The following GRIA2 variants were observed in gnomAD, a reference collection of about 807,000 sequenced individuals.
GRIA2 encodes glutamate receptor 2.
A neutral mutation model predicts 97.3 loss-of-function variants in GRIA2; 14 were observed. The ratio of observed to expected loss-of-function variants is 0.14; its 90% CI spans 0.10 to 0.23. The LOEUF (loss-of-function observed/expected upper bound fraction) is 0.23, where lower values mean the gene tolerates loss of function less well. Among genes scored for constraint, GRIA2 ranks in the 10% least tolerant of loss-of-function variants. The pLI is 1.00. For missense variants in GRIA2, 558 were observed against 1,069.8 expected, an observed-to-expected ratio of 0.52 and a Z score of 6.67; for synonymous variants, 412 against 387.8, an observed-to-expected ratio of 1.06 and a Z score of -0.73.
At chr4:157,256,181 A>G (rs1249136845) in intron 2 of GRIA2, among the ~76,000 whole-genome samples, 1 of 137,446 alleles carries the variant, frequency 7.3e-6, no homozygotes, top group Non-Finnish European at 1.5e-5. Context: ...TATATTATAT[A>G]TAATATATAA....
At chr4:157,269,611 G>A (rs922541440) in intron 2 of GRIA2, among the ~76,000 whole-genome samples, 1 of 151,994 alleles carries the variant, frequency 6.6e-6, no homozygotes, top group Non-Finnish European at 1.5e-5. Flanking sequence ...GGCATGACAT[G>A]AGCTTTCAAC....
chr4:157,225,792 G>A (rs756128139), intron 2 of GRIA2, among the ~76,000 whole-genome samples: 1 of 151,566 alleles, frequency 6.6e-6, no homozygotes, highest in Non-Finnish European at 1.5e-5. Context: ...GTTTAATACA[G>A]CAACTAAAAA....
intron 2 of GRIA2, among the ~76,000 whole-genome samples, chr4:157,276,125 AATTGTAAATGG>A (rs1732299654): frequency 6.6e-6 from 1 of 152,094 alleles, no homozygotes; most frequent in African/African-American, 2.4e-5. Context: ...TCTTTGAAGC[AATTGTAAATGG>A]GAGTTCACTC....
At chr4:157,318,175 T>G (rs2126898173) in intron 5 of GRIA2, among the ~76,000 whole-genome samples, 1 of 152,236 alleles carries the variant, frequency 6.6e-6, no homozygotes, top group Non-Finnish European at 1.5e-5. Flanking sequence ...AAGGGAAAAT[T>G]CTCAAAAATA....
chr4:157,297,427 AG>A (rs1269063432), intron 2 of GRIA2, among the ~76,000 whole-genome samples: 1 of 152,170 alleles, frequency 6.6e-6, no homozygotes, highest in Admixed American at 6.6e-5. Context: ...ATTAAGATGT[AG>A]GAAAGTCATG....
intron 6 of GRIA2, among the ~76,000 whole-genome samples, chr4:157,331,932 A>G (rs997631702): frequency 2.6e-5 from 4 of 152,086 alleles, no homozygotes; most frequent in Non-Finnish European, 5.9e-5. Flanking sequence ...AGTATGGTAC[A>G]GTACTGCATT....
chr4:157,346,764 GT>G (rs1029363549), intron 12 of GRIA2, among the ~76,000 whole-genome samples: 23 of 152,222 alleles, frequency 1.5e-4, no homozygotes, highest in African/African-American at 4.3e-4. Flanking sequence ...TCCTTCCTCA[GT>G]TTTTTGGGGG....
At chr4:157,268,405 T>C (rs1731866037) in intron 2 of GRIA2, among the ~76,000 whole-genome samples, 1 of 152,080 alleles carries the variant, frequency 6.6e-6, no homozygotes, top group Non-Finnish European at 1.5e-5. Context: ...TGTGTGTCCT[T>C]GAGCAAATTA....
chr4:157,264,096 A>G (rs1234208944), intron 2 of GRIA2, among the ~76,000 whole-genome samples: 1 of 152,126 alleles, frequency 6.6e-6, no homozygotes, highest in Non-Finnish European at 1.5e-5. Context: ...CAGATGTATC[A>G]TGTGTTAAAC....
chr4:157,272,340 G>A (rs1732067094), intron 2 of GRIA2, among the ~76,000 whole-genome samples: 2 of 152,050 alleles, frequency 1.3e-5, no homozygotes, highest in Admixed American at 6.6e-5. Context: ...ACACAGATGC[G>A]AAGTCACAGG....
At chr4:157,222,953 A>ATGATT (rs1294873020) in intron 2 of GRIA2, among the ~76,000 whole-genome samples, 3 of 152,120 alleles carry the variant, frequency 2.0e-5, no homozygotes, top group Non-Finnish European at 4.4e-5. Context: ...TTTCCTGCCG[A>ATGATT]CTGCCCTGCG....
intron 2 of GRIA2, among the ~76,000 whole-genome samples, chr4:157,302,097 C>T (rs566431487): frequency 2.7e-5 from 4 of 150,074 alleles, no homozygotes; most frequent in Non-Finnish European, 4.4e-5. Context: ...CGCTTGAACC[C>T]GGGAGGCGGA....
intron 2 of GRIA2, among the ~76,000 whole-genome samples, chr4:157,225,758 TC>T (rs1392107880): frequency 1.3e-5 from 2 of 151,932 alleles, no homozygotes; most frequent in Non-Finnish European, 2.9e-5. Context: ...ATGAGGGTAT[TC>T]CAGTAGTTCT....
chr4:157,250,880 A>G (rs894137848), intron 2 of GRIA2, among the ~76,000 whole-genome samples: 1 of 152,090 alleles, frequency 6.6e-6, no homozygotes, highest in African/African-American at 2.4e-5. Context: ...GTATTAGCAC[A>G]GTTACTAGAA....
At chr4:157,285,582 TG>T (rs1732802306) in intron 2 of GRIA2, among the ~76,000 whole-genome samples, 3 of 151,210 alleles carry the variant, frequency 2.0e-5, no homozygotes, top group Admixed American at 6.6e-5. Context: ...TGTGTGTGTG[TG>T]TAAGGCTTTT....
rs1319690968 is a variant in GRIA2, at chr4:157,364,139, T to A, written c.*708T>A. 1.3e-5 allele frequency: 2 copies of A among 152,480 alleles called. No individual in the cohort carries two copies. Among genetic ancestry groups the A allele is most frequent in the Non-Finnish European group, 2.9e-5 (2 of 67,980 alleles). The allele number at this position is 152,480 out of a possible 1,614,324, so 9.4% of individuals were successfully genotyped here. On this transcript the variant is annotated 3_prime_UTR_variant, in exon 16 of 16. Coordinates refer to ENST00000264426, the MANE Select transcript of GRIA2 (RefSeq NM_001083619.3). The stretch of plus-strand genomic sequence containing the variant: ...TTTTCAAAGCCAAATATGTAAATGC[T>A]AAGGAAAGTAAACAAAGAGGAGATT...
At chr4:157,270,292 G>A (rs1731958109) in intron 2 of GRIA2, among the ~76,000 whole-genome samples, 1 of 152,028 alleles carries the variant, frequency 6.6e-6, no homozygotes, top group Admixed American at 6.6e-5. Flanking sequence ...ACTCTAAAAG[G>A]CAGTAGGCCA....
intron 2 of GRIA2, among the ~76,000 whole-genome samples, chr4:157,222,701 C>T (rs1030774238): frequency 7.2e-5 from 11 of 152,214 alleles, no homozygotes; most frequent in African/African-American, 2.2e-4. Flanking sequence ...AGTCGCTGAT[C>T]AGCCATTTTA....
rs146762945 is a variant in GRIA2 at position 157,341,064 on chromosome 4, G to T, written c.1845-200G>T. Among the ~76,000 whole-genome samples the T allele has an allele frequency of 7.2e-3, 1,092 of 152,094 alleles. 18 individuals carry two copies. Among genetic ancestry groups the T allele is most frequent in the South Asian group, 0.063 (303 of 4,824 alleles). ...CCAGAAATCAGAAGTTTTGACCTGT[G>T]TGTATGTTATTAAATTTAGCTACTC... On this transcript the variant is annotated intron_variant, in intron 11 of 15. Coordinates refer to ENST00000264426, the MANE Select transcript of GRIA2 (RefSeq NM_001083619.3).
Sources: gnomAD v4.1 joint callset for allele counts (sites outside exome capture counted in the v4.1 genomes callset) on GRCh38, gnomAD v4.1.1 for gene constraint, MANE v1.5 for transcripts, NCBI Gene and HGNC (gene_info 2026-07-23, HGNC 2026-07-21) for gene names.